The following SLC30A6 variants were observed in gnomAD, a reference collection of about 807,000 sequenced individuals.
SLC30A6 encodes solute carrier family 30 member 6, also known as zinc transporter 6.
In SLC30A6, 55 loss-of-function variants were observed where a neutral mutation model predicts 63.0. The ratio of observed to expected loss-of-function variants is 0.87; its 90% confidence interval spans 0.70 to 1.09. The LOEUF (loss-of-function observed/expected upper bound fraction) is 1.09, where lower values mean the gene tolerates loss of function less well. Ranked by LOEUF, SLC30A6 falls within the 50% of genes least tolerant of loss-of-function variation. The pLI is 0.00. For synonymous variants in SLC30A6, 224 were observed against 186.1 expected (o/e 1.20, Z -1.66); for missense variants, 587 against 549.2 (o/e 1.07, Z -0.69).
chr2:32,209,438 G>A, intron 12 of SLC30A6, 55 bp from the exon 13 acceptor site: 1 of 1,383,854 alleles, frequency 7.2e-7, no homozygotes, highest in Admixed American at 2.1e-5. Flanking sequence ...TGACTAAACT[G>A]CATTGGATAT....
At chr2:32,188,349 T>C (rs187337770) in intron 5 of SLC30A6, among the ~76,000 whole-genome samples, 124 of 152,334 alleles carry the variant, frequency 8.1e-4, no homozygotes, top group African/African-American at 2.6e-3. Context: ...TAATTCTCTG[T>C]ACAGAACTTA....
At chr2:32,180,428 A>G (rs952100377) in intron 4 of SLC30A6, among the ~76,000 whole-genome samples, 3 of 148,580 alleles carry the variant, frequency 2.0e-5, no homozygotes, top group South Asian at 2.1e-4. Flanking sequence ...AAAAAAAAGG[A>G]TTTTATTTAT....
intron 4 of SLC30A6, among the ~76,000 whole-genome samples, chr2:32,178,765 ATGTC>A (rs1172399567): frequency 6.6e-6 from 1 of 152,254 alleles, no homozygotes; most frequent in African/African-American, 2.4e-5. Flanking sequence ...ATTGATCTGT[ATGTC>A]TGTCCTTTAT....
chr2:32,166,028 C>T (rs1267225172), intron 1 of SLC30A6, 125 bp downstream of exon 1: 8 of 1,397,586 alleles, frequency 5.7e-6, no homozygotes, highest in Non-Finnish European at 8.1e-6. Context: ...AAGTCGGGCC[C>T]CTTGGCAGGA....
At chr2:32,216,558 TA>T in intron 13 of SLC30A6, among the ~76,000 whole-genome samples, 1 of 148,950 alleles carries the variant, frequency 6.7e-6, no homozygotes, top group Admixed American at 6.8e-5. Flanking sequence ...AATAAATAAA[TA>T]AATAAATAAA....
chr2:32,220,609 C>G lies in SLC30A6; in HGVS notation c.1282C>G (p.Leu428Val), dbSNP rs1318241124. 8 of 1,614,010 alleles carry G rather than the reference C, an allele frequency of 5.0e-6. No individual in the cohort carries two copies. The highest frequency in any genetic ancestry group is 2.2e-5 in the South Asian group (2 of 91,090). ...TTACAGCAGCATGCTTAATCAAGGA[C>G]TTGGAGTTCCAGGAATTGGAGCAAC... ...TPYSSMLNQG[L>V]GVPGIGATQG... The change falls in exon 14 of 14, where the codon CTT becomes GTT. Residue 428 changes from leucine (L) to valine (V), a missense_variant. Leu to Val is a conservative substitution (Grantham distance 32). Transcript: ENST00000282587.
intron 10 of SLC30A6, chr2:32,203,645 C>T (rs1684487950): frequency 6.4e-7 from 1 of 1,566,268 alleles, no homozygotes; most frequent in Admixed American, 1.7e-5. Context: ...AGTAGTAATG[C>T]AGTGTCTCAG....
chr2:32,207,675 G>C (rs1205789296), intron 12 of SLC30A6, among the ~76,000 whole-genome samples: 2 of 122,308 alleles, frequency 1.6e-5, no homozygotes, highest in East Asian at 5.2e-4. Context: ...CGCCTGGCCC[G>C]CCCAACTAAC....
intron 10 of SLC30A6, chr2:32,203,547 C>G: frequency 6.2e-7 from 1 of 1,605,022 alleles, no homozygotes; most frequent in Non-Finnish European, 8.5e-7. Flanking sequence ...TTGATCACCT[C>G]TGATAGGGAT....
At chr2:32,190,858 A>C (rs1683266511) in intron 5 of SLC30A6, among the ~76,000 whole-genome samples, 1 of 152,066 alleles carries the variant, frequency 6.6e-6, no homozygotes, top group South Asian at 2.1e-4. Flanking sequence ...ACTGGCCTCA[A>C]GTGATGTGCC....
intron 13 of SLC30A6, among the ~76,000 whole-genome samples, chr2:32,210,139 A>G (rs1041176136): frequency 1.3e-5 from 2 of 152,218 alleles, no homozygotes; most frequent in African/African-American, 4.8e-5. Context: ...AATACAGAAA[A>G]TGTAAAGCAC....
intron 1 of SLC30A6, among the ~76,000 whole-genome samples, chr2:32,169,943 G>T (rs889242517): frequency 6.6e-6 from 1 of 152,188 alleles, no homozygotes; most frequent in African/African-American, 2.4e-5. Context: ...TTAAAACTGG[G>T]TTATTCATCT....
chr2:32,178,469 T>TTTG, intron 4 of SLC30A6, among the ~76,000 whole-genome samples: 1 of 151,878 alleles, frequency 6.6e-6, no homozygotes, highest in Non-Finnish European at 1.5e-5. Context: ...AGGTCAAGAG[T>TTTG]TTGAGACCAG....
chr2:32,205,244 C>A (rs1684649472), intron 11 of SLC30A6, among the ~76,000 whole-genome samples: 1 of 152,038 alleles, frequency 6.6e-6, no homozygotes, highest in African/African-American at 2.4e-5. Flanking sequence ...CATGGTGAAA[C>A]CCTGTCTCTA....
chr2:32,207,506 A>G (rs1413804232), intron 12 of SLC30A6, among the ~76,000 whole-genome samples: 2 of 151,198 alleles, frequency 1.3e-5, no homozygotes, highest in Admixed American at 6.6e-5. Context: ...CCTCCTGAGT[A>G]GCCGGGACTA....
chr2:32,171,385 C>G lies in SLC30A6; in HGVS notation c.90+12C>G. On this transcript the variant is annotated intron_variant, in intron 2 of 13. Transcript: ENST00000282587. ...CAGCTGACCGAAGGGTAAGTTATTC[C>G]TTAACCCCAATTTTAATTATTGCAC... 1 of 1,602,220 alleles carries G rather than the reference C, an allele frequency of 6.2e-7. No homozygotes were observed. Among genetic ancestry groups the G allele is most frequent in the Non-Finnish European group, 8.5e-7 (1 of 1,169,646 alleles).
chr2:32,222,948 C>G lies in SLC30A6; in HGVS notation c.*2235C>G, dbSNP rs1347794807. 1 of 152,184 alleles carries G rather than the reference C, an allele frequency of 6.6e-6. No individual in the cohort carries two copies. Among genetic ancestry groups the G allele is most frequent in the African/African-American group, 2.4e-5 (1 of 41,436 alleles). 9.4% of individuals were successfully genotyped at this position (152,184 alleles called of 1,614,324 possible). ...CACAGTTCTGTGTGAGGTTTTATGC[C>G]TACTTCCTCAACACCAATTCAGAGG... is the stretch of plus-strand genomic sequence containing the variant. On this transcript the variant is annotated 3_prime_UTR_variant, in exon 14 of 14. Coordinates refer to ENST00000282587, the MANE Select transcript of SLC30A6 (RefSeq NM_017964.5).
At chr2:32,219,384 C>T (rs182090009) in intron 13 of SLC30A6, among the ~76,000 whole-genome samples, 7 of 151,856 alleles carry the variant, frequency 4.6e-5, no homozygotes, top group Admixed American at 3.3e-4. Flanking sequence ...TTCCTTCTCT[C>T]CCTCTCTTCT....
chr2:32,170,040 C>G (rs555165483), intron 1 of SLC30A6, among the ~76,000 whole-genome samples: 2 of 152,014 alleles, frequency 1.3e-5, no homozygotes, highest in South Asian at 4.1e-4. Context: ...TTCAGTTTGA[C>G]CTTCTTAAAG....
Sources: allele counts gnomAD v4.1 joint callset (sites outside exome capture counted in the v4.1 genomes callset), GRCh38; gene constraint gnomAD v4.1.1; transcripts MANE v1.5; gene names NCBI Gene and HGNC (gene_info 2026-07-23, HGNC 2026-07-21).